Variants in GNAS-AS1 observed in about 807,000 individuals in gnomAD.
GNAS-AS1 encodes the protein GNAS antisense RNA 1 (non-protein coding).
intron 4 of GNAS-AS1, among the ~76,000 whole-genome samples, chr20:58,828,679 T>C (rs955085255): frequency 2.6e-5 from 4 of 152,248 alleles, no homozygotes; most frequent in African/African-American, 9.6e-5. Flanking sequence ...CTAGACTTTT[T>C]CTGCTTCTAT....
intron 4 of GNAS-AS1, among the ~76,000 whole-genome samples, chr20:58,830,507 C>T (rs201935189): frequency 1.2e-5 from 1 of 80,756 alleles, no homozygotes; most frequent in Admixed American, 1.3e-4. Context: ...CACCACACCA[C>T]CATCATCACC....
intron 2 of GNAS-AS1, among the ~76,000 whole-genome samples, chr20:58,847,464 A>T (rs1166710759): frequency 6.6e-6 from 1 of 152,240 alleles, no homozygotes; most frequent in Admixed American, 6.5e-5. Flanking sequence ...AATTAATTGT[A>T]CAGCTTCAAA....
intron 2 of GNAS-AS1, among the ~76,000 whole-genome samples, chr20:58,847,280 G>C (rs980586868): frequency 8.6e-5 from 13 of 151,554 alleles, no homozygotes; most frequent in Middle Eastern, 3.2e-3. Context: ...CTCTAACCTG[G>C]TATCTTGCCT....
At chr20:58,830,629 C>T (rs2085562001) in intron 4 of GNAS-AS1, among the ~76,000 whole-genome samples, 2 of 140,874 alleles carry the variant, frequency 1.4e-5, no homozygotes, top group Admixed American at 7.0e-5. Context: ...ACCATCACCA[C>T]CACCGCCACA....
At position 58,840,718 on chromosome 20, in the gene GNAS-AS1, C is replaced by T. The variant is rs756663141; in HGVS notation, n.819+1219G>A. The T allele has an allele frequency of 6.2e-7, 1 of 1,603,492 alleles. No homozygotes were observed. Among genetic ancestry groups the T allele is most frequent in the East Asian group, 2.2e-5 (1 of 44,782 alleles). ...CCGAGGACAAAGATCCAAGGGACCC[C>T]GAAGAGTCGAAGGAGCCCAAGGAGG... On this transcript the variant is annotated intron_variant and non_coding_transcript_variant, in intron 4 of 4. Transcript: ENST00000424094. This position sits in a 1 kb window ranked among gnomAD's most constrained non-coding sequence, Gnocchi z 6.0.
intron 4 of GNAS-AS1, among the ~76,000 whole-genome samples, chr20:58,822,792 G>T (rs1011601198): frequency 6.6e-6 from 1 of 151,902 alleles, no homozygotes; most frequent in African/African-American, 2.4e-5. Flanking sequence ...TCGCCCCAAG[G>T]CCCCGGAGTG....
intron 4 of GNAS-AS1, among the ~76,000 whole-genome samples, chr20:58,823,436 T>TA (rs2085498934): frequency 6.6e-6 from 1 of 152,160 alleles, no homozygotes; most frequent in Non-Finnish European, 1.5e-5. Context: ...TGGGGGGCTT[T>TA]GGAGAGGCAG....
intron 4 of GNAS-AS1, among the ~76,000 whole-genome samples, chr20:58,820,252 C>A (rs1277777060): frequency 6.6e-5 from 10 of 152,260 alleles, no homozygotes; most frequent in Admixed American, 6.5e-4. Context: ...CACTTTCTCA[C>A]CTATCAAGAA....
intron 4 of GNAS-AS1, among the ~76,000 whole-genome samples, chr20:58,830,092 T>C (rs2145455516): frequency 6.6e-6 from 1 of 151,944 alleles, no homozygotes; most frequent in Admixed American, 6.6e-5. Flanking sequence ...ATGGCTGGGC[T>C]CCTCAAACTC....
rs1173296507 is a variant in GNAS-AS1 at position 58,841,264 on chromosome 20, C to T, written n.819+673G>A. On this transcript the variant is annotated intron_variant and non_coding_transcript_variant, in intron 4 of 4. Transcript: ENST00000424094. This position sits in a 1 kb window ranked among gnomAD's most constrained non-coding sequence, Gnocchi z 5.0. Reference sequence around the variant, plus strand: ...CGCGCTTTTCTTCCTCCTAGAAAGACTAGTCTCAAATAAGTTGGCCTTCTC... The same window carrying T: ...CGCGCTTTTCTTCCTCCTAGAAAGATTAGTCTCAAATAAGTTGGCCTTCTC... 12 of 996,890 alleles carry T rather than the reference C, an allele frequency of 1.2e-5. No homozygotes were observed. The highest frequency in any genetic ancestry group is 1.5e-5 in the Non-Finnish European group (12 of 805,562). The allele number at this position is 996,890 out of a possible 1,614,324, so 61.8% of individuals were successfully genotyped here. A position where few individuals can be genotyped will look rare whatever the true frequency, so the allele number is the denominator to read the frequency against.
At chr20:58,849,418 C>T (rs1444441336) in intron 1 of GNAS-AS1, among the ~76,000 whole-genome samples, 1 of 152,178 alleles carries the variant, frequency 6.6e-6, no homozygotes, top group African/African-American at 2.4e-5. Context: ...AAATGTATTT[C>T]TCCCCTAAAG....
rs2085749757 is a variant in GNAS-AS1 at position 58,841,988 on chromosome 20, T to C, written n.768A>G. The C allele has an allele frequency of 1.0e-6, 1 of 975,534 alleles. No homozygotes were observed. The highest frequency in any genetic ancestry group is 1.3e-6 in the Non-Finnish European group (1 of 753,814). The allele number at this position is 975,534 out of a possible 1,614,324, so 60.4% of individuals were successfully genotyped here. ...CGCAGAGCTGGGGAAAGGTGTTGGA[T>C]CCGGCGCCAGTCCTTGGACGATCAG... is the stretch of plus-strand genomic sequence containing the variant. On this transcript the variant is annotated non_coding_transcript_exon_variant, in exon 4 of 5. Coordinates refer to ENST00000424094, the Ensembl canonical transcript of GNAS-AS1. The surrounding 1 kb of genome is among the most constrained non-coding windows in gnomAD (Gnocchi z 5.0).
chr20:58,827,573 G>A (rs969404547), intron 4 of GNAS-AS1, among the ~76,000 whole-genome samples: 1 of 152,218 alleles, frequency 6.6e-6, no homozygotes, highest in African/African-American at 2.4e-5. Flanking sequence ...GGCAAGAGCT[G>A]AATGCACGTC....
At chr20:58,832,862 C>G (rs1399807043) in intron 4 of GNAS-AS1, among the ~76,000 whole-genome samples, 1 of 152,272 alleles carries the variant, frequency 6.6e-6, no homozygotes, top group African/African-American at 2.4e-5. Context: ...CAAGGTTCAT[C>G]TCAATCCCCA....
chr20:58,829,192 A>G (rs1600645311), intron 4 of GNAS-AS1, among the ~76,000 whole-genome samples: 1 of 152,368 alleles, frequency 6.6e-6, no homozygotes, highest in East Asian at 1.9e-4. Context: ...TCATCCTGAC[A>G]CAGCCAATTC....
chr20:58,841,251 C>T lies in GNAS-AS1; in HGVS notation n.819+686G>A, dbSNP rs777697221. 4.5e-5 allele frequency: 43 copies of T among 959,958 alleles called. No homozygotes were observed. The highest frequency in any genetic ancestry group is 5.3e-5 in the Non-Finnish European group (41 of 768,248). 59.5% of individuals were successfully genotyped at this position (959,958 alleles called of 1,614,324 possible). A position where few individuals can be genotyped will look rare whatever the true frequency, so the allele number is the denominator to read the frequency against. The stretch of plus-strand genomic sequence containing the variant: ...GTCACTTGTTTTGCGCGCTTTTCTT[C>T]CTCCTAGAAAGACTAGTCTCAAATA... On this transcript the variant is annotated intron_variant and non_coding_transcript_variant, in intron 4 of 4. Transcript: ENST00000424094. This position sits in a 1 kb window ranked among gnomAD's most constrained non-coding sequence, Gnocchi z 5.0.
In GNAS-AS1 at chr20:58,823,879, C is replaced by A; in HGVS notation, n.820-4624G>T. The A allele has an allele frequency of 1.3e-5, 5 of 396,300 alleles. No individual in the cohort carries two copies. The East Asian group carries it at 1.4e-4, about 11-fold the overall frequency. 24.5% of individuals were successfully genotyped at this position (396,300 alleles called of 1,614,324 possible). A position where few individuals can be genotyped will look rare whatever the true frequency, so the allele number is the denominator to read the frequency against. The stretch of plus-strand genomic sequence containing the variant: ...CTCCCCTAACCGCGCCATCAGCCTG[C>A]ATTTGCATGGAGGCCCCAGGCCACA... On this transcript the variant is annotated intron_variant and non_coding_transcript_variant, in intron 4 of 4. Transcript: ENST00000424094.
intron 4 of GNAS-AS1, among the ~76,000 whole-genome samples, chr20:58,829,392 A>G (rs188831447): frequency 1.9e-4 from 29 of 152,336 alleles, no homozygotes; most frequent in South Asian, 4.1e-4. Context: ...AAAATAGACA[A>G]CTTGATTTTG....
chr20:58,850,684 G>A, exon 1 of GNAS-AS1: 1 of 398,996 alleles, frequency 2.5e-6, no homozygotes, highest in Non-Finnish European at 4.4e-6. Context: ...GTGGCACCCC[G>A]TTGGCTGGGT....
Sources: gnomAD v4.1 joint callset for allele counts (sites outside exome capture counted in the v4.1 genomes callset) on GRCh38, gnomAD v4.1.1 for gene constraint, Gnocchi (gnomAD v3.1) non-coding constraint, MANE v1.5 for transcripts, NCBI Gene and HGNC (gene_info 2026-07-23, HGNC 2026-07-21) for gene names.